Variants in EFR3B observed in about 807,000 individuals in gnomAD.
EFR3B encodes the protein protein EFR3 homolog B.
A neutral mutation model predicts 104.7 loss-of-function variants in EFR3B; 64 were observed. The ratio of observed to expected loss-of-function variants is 0.61; its 90% confidence interval spans 0.50 to 0.75. EFR3B has a LOEUF of 0.75. Among genes scored for constraint, EFR3B ranks in the 30% least tolerant of loss-of-function variants. EFR3B has a pLI of 0.00. For synonymous variants in EFR3B, 385 were observed against 417.9 expected (o/e 0.92, Z 0.96); for missense variants, 750 against 1,078.5 (o/e 0.70, Z 4.27).
intron 19 of EFR3B, among the ~76,000 whole-genome samples, chr2:25,148,743 AAACCCCGTCTC>A (rs1375759892): frequency 2.3e-4 from 34 of 149,974 alleles, no homozygotes; most frequent in Admixed American, 9.2e-4. Flanking sequence ...TAAAACGGTG[AAACCCCGTCTC>A]TACTAAAAAT....
chr2:25,155,289 G>A lies in EFR3B; in HGVS notation c.*949G>A, dbSNP rs1321119528. The A allele has an allele frequency of 6.6e-6, 1 of 152,220 alleles. No homozygotes were observed. The highest frequency in any genetic ancestry group is 6.5e-5 in the Admixed American group (1 of 15,274). 9.4% of individuals were successfully genotyped at this position (152,220 alleles called of 1,614,324 possible). ...CCTGGGTTGTAGGAGAGTGGGGAGG[G>A]TGGGATGAGTGGTGTTTTGGGGCTC... On this transcript the variant is annotated 3_prime_UTR_variant, in exon 23 of 23. Transcript: ENST00000403714.
chr2:25,144,944 G>A lies in EFR3B; in HGVS notation c.2051-16G>A. The A allele has an allele frequency of 1.3e-6, 2 of 1,550,832 alleles. No individual in the cohort carries two copies. The highest frequency in any genetic ancestry group is 1.4e-5 in the African/African-American group (1 of 73,166). On this transcript the variant is annotated splice_polypyrimidine_tract_variant and intron_variant, in intron 18 of 22. Transcript: ENST00000403714. ...GAGGGCTGGGAACTAAAGCCTCTGGGCTGCTTCTTCCCCAGATGAGGATCG... is the reference window on the plus strand; with the variant it reads ...GAGGGCTGGGAACTAAAGCCTCTGGACTGCTTCTTCCCCAGATGAGGATCG...
At chr2:25,094,338 C>CA (rs1669222100) in intron 3 of EFR3B, among the ~76,000 whole-genome samples, 1 of 130,754 alleles carries the variant, frequency 7.6e-6, no homozygotes. Context: ...AGACGAACAA[C>CA]AAAAAAGTAT....
In EFR3B at chr2:25,131,484, C is replaced by T. The variant is rs1430203595; in HGVS notation, c.966C>T (p.Ile322=). 6.5e-7 allele frequency: 1 copy of T among 1,549,822 alleles called. No homozygotes were observed. ...IVEVLSEAAV[I]AATGSVGPTV... Reference sequence around the variant, plus strand: ...AAGTCTTGTCGGAAGCCGCGGTCATCGCTGCCACCGGCTCTGTGGGTAAGG... The same window carrying T: ...AAGTCTTGTCGGAAGCCGCGGTCATTGCTGCCACCGGCTCTGTGGGTAAGG... The change falls in exon 9 of 23, where the codon ATC becomes ATT. Residue 322 remains isoleucine (I), a synonymous_variant. Coordinates refer to ENST00000403714, the MANE Select transcript of EFR3B (RefSeq NM_014971.2). This position sits in a 1 kb window ranked among gnomAD's most constrained non-coding sequence, Gnocchi z 7.6.
In EFR3B at chr2:25,143,813, T is replaced by G. The variant is rs1227784515; in HGVS notation, c.2001T>G (p.Ser667Arg). 6.4e-7 allele frequency: 1 copy of G among 1,551,690 alleles called. No homozygotes were observed. The highest frequency in any genetic ancestry group is 8.7e-7 in the Non-Finnish European group (1 of 1,146,996). Residue 667 changes from serine to arginine, a missense_variant, in exon 18 of 23, where the codon AGT becomes AGG. Ser to Arg is a moderately radical substitution (Grantham distance 110, BLOSUM62 -1). Coordinates refer to ENST00000403714, the MANE Select transcript of EFR3B (RefSeq NM_014971.2). ...AGATCAGTGAAGTCCTGGGAGGCAGTGGCTACAACTCGGACCGGCTCTGCC... is the reference window on the plus strand; with the variant it reads ...AGATCAGTGAAGTCCTGGGAGGCAGGGGCTACAACTCGGACCGGCTCTGCC... The part of the protein sequence containing the change: ...QSKISEVLGG[S>R]GYNSDRLCLP...
chr2:25,140,563 A>G (rs1471556394), intron 16 of EFR3B, among the ~76,000 whole-genome samples: 1 of 152,022 alleles, frequency 6.6e-6, no homozygotes, highest in Non-Finnish European at 1.5e-5. Context: ...CTGTATGTTG[A>G]CCATCCCTCC....
Position 25,131,625 on chromosome 2 carries a change from G to T in EFR3B, c.985+122G>T, listed in dbSNP as rs1211933784. On this transcript the variant is annotated intron_variant, in intron 9 of 22. Transcript: ENST00000403714. This position sits in a 1 kb window ranked among gnomAD's most constrained non-coding sequence, Gnocchi z 7.6. ...CGTTTTCCTCGGGAGAAGTCCGCCA[G>T]GAAGTTGGGAGCGCAGAGGAAGCCC... The T allele has an allele frequency of 1.3e-6, 2 of 1,496,116 alleles. No individual in the cohort carries two copies. The highest frequency in any genetic ancestry group is 5.0e-5 in the East Asian group (2 of 40,280). The allele number at this position is 1,496,116 out of a possible 1,614,324, so 92.7% of individuals were successfully genotyped here.
At chr2:25,091,511 C>G in intron 2 of EFR3B, 110 bp downstream of exon 2, 1 of 992,092 alleles carries the variant, frequency 1.0e-6, no homozygotes, top group Non-Finnish European at 1.4e-6. Flanking sequence ...CAGGGCCTCT[C>G]AGGGTCCCTG....
chr2:25,111,303 C>T (rs967509052), intron 4 of EFR3B, among the ~76,000 whole-genome samples: 1 of 152,116 alleles, frequency 6.6e-6, no homozygotes, highest in Non-Finnish European at 1.5e-5. Context: ...TAACCCACTC[C>T]CCACCCACCT....
At chr2:25,050,217 A>C (rs2149163598) in intron 1 of EFR3B, among the ~76,000 whole-genome samples, 1 of 152,116 alleles carries the variant, frequency 6.6e-6, no homozygotes, top group South Asian at 2.1e-4. Context: ...TGATGGTTTG[A>C]AACTGTCAAA....
Position 25,130,689 on chromosome 2 carries a change from A to C in EFR3B, c.849+59A>C. The C allele has an allele frequency of 6.8e-7, 1 of 1,460,250 alleles. No individual in the cohort carries two copies. Among genetic ancestry groups the C allele is most frequent in the Non-Finnish European group, 9.4e-7 (1 of 1,064,284 alleles). The allele number at this position is 1,460,250 out of a possible 1,614,324, so 90.5% of individuals were successfully genotyped here. The stretch of plus-strand genomic sequence containing the variant: ...GGACAAAGGCCTCTCTAGAAGCTAG[A>C]CGGGTGCTAAAATAGAAAGCCAGAA... On this transcript the variant is annotated intron_variant, in intron 8 of 22. Coordinates refer to ENST00000403714, the MANE Select transcript of EFR3B (RefSeq NM_014971.2). This position sits in a 1 kb window ranked among gnomAD's most constrained non-coding sequence, Gnocchi z 4.6.
chr2:25,144,360 C>T (rs1173129999), intron 18 of EFR3B, among the ~76,000 whole-genome samples: 4 of 152,178 alleles, frequency 2.6e-5, no homozygotes, highest in African/African-American at 4.8e-5. Context: ...CTAGGCAACA[C>T]GGTGAAACCC....
chr2:25,100,944 A>G (rs1669416466), intron 3 of EFR3B, among the ~76,000 whole-genome samples: 1 of 152,218 alleles, frequency 6.6e-6, no homozygotes, highest in African/African-American at 2.4e-5. Flanking sequence ...AGGATAGGAA[A>G]CATTTCTAGC....
chr2:25,131,799 C>T lies in EFR3B; in HGVS notation c.1035C>T (p.Leu345=). ...MFNTLLRQLR[L]SIDYALTGSY... The stretch of plus-strand genomic sequence containing the variant: ...ACACGCTGCTGAGGCAGCTGCGGCT[C>T]AGCATCGACTACGCGCTGACCGGGA... Residue 345 remains leucine (L), a synonymous_variant, in exon 10 of 23, where the codon CTC becomes CTT. Coordinates refer to ENST00000403714, the MANE Select transcript of EFR3B (RefSeq NM_014971.2). This position sits in a 1 kb window ranked among gnomAD's most constrained non-coding sequence, Gnocchi z 7.6. 1 of 1,548,068 alleles carries T rather than the reference C, an allele frequency of 6.5e-7. No homozygotes were observed. Among genetic ancestry groups the T allele is most frequent in the Non-Finnish European group, 8.7e-7 (1 of 1,145,650 alleles).
chr2:25,141,002 T>C (rs953050119), intron 16 of EFR3B, among the ~76,000 whole-genome samples: 4 of 148,290 alleles, frequency 2.7e-5, no homozygotes, highest in Admixed American at 1.4e-4. Flanking sequence ...GATTGTGCCA[T>C]TGCACTCTAG....
intron 1 of EFR3B, among the ~76,000 whole-genome samples, chr2:25,057,644 C>T (rs1279518937): frequency 6.6e-6 from 1 of 151,984 alleles, no homozygotes; most frequent in Non-Finnish European, 1.5e-5. Context: ...TAGCTGGGCA[C>T]GGTGGCACAT....
chr2:25,082,971 A>AG (rs759028637), intron 1 of EFR3B, among the ~76,000 whole-genome samples: 1 of 152,190 alleles, frequency 6.6e-6, no homozygotes, highest in Non-Finnish European at 1.5e-5. Flanking sequence ...CATTCTGGAC[A>AG]GGGGGTTTGG....
At position 25,042,317 on chromosome 2, in the gene EFR3B, A is replaced by G; in HGVS notation, c.5A>G (p.Tyr2Cys). 1 of 1,281,092 alleles carries G rather than the reference A, an allele frequency of 7.8e-7. No individual in the cohort carries two copies. The highest frequency in any genetic ancestry group is 2.4e-5 in the South Asian group (1 of 41,902). The allele number at this position is 1,281,092 out of a possible 1,614,324, so 79.4% of individuals were successfully genotyped here. A position where few individuals can be genotyped will look rare whatever the true frequency, so the allele number is the denominator to read the frequency against. Reference protein sequence around the residue: MYGVCGCCGALR... With the variant: MCGVCGCCGALR... ...AGAGGCGCGCGCCCCGCCGAGATGT[A>G]CGGTAAGGAGGGCTCCGCGCCCGGG... The change falls in exon 1 of 23, where the codon TAC (tyrosine) becomes TGC (cysteine). Residue 2 changes from tyrosine (Y) to cysteine (C), a missense_variant and splice_region_variant. Transcript: ENST00000403714. The surrounding 1 kb of genome is among the most constrained non-coding windows in gnomAD (Gnocchi z 5.4).
chr2:25,141,215 G>C lies in EFR3B; in HGVS notation c.1855-151G>C, dbSNP rs559113797. The C allele has an allele frequency of 6.7e-5, 49 of 736,370 alleles. No individual in the cohort carries two copies. In the African/African-American group the frequency reaches 8.3e-4, roughly 12 times the overall value. 45.6% of individuals were successfully genotyped at this position (736,370 alleles called of 1,614,324 possible). On this transcript the variant is annotated intron_variant, in intron 16 of 22. Transcript: ENST00000403714. ...CTGCCCTGAGGGTCCCTGTTGATGCGAGTTTCCACTGAAAAGCTCAGCTGA... is the reference window on the plus strand; with the variant it reads ...CTGCCCTGAGGGTCCCTGTTGATGCCAGTTTCCACTGAAAAGCTCAGCTGA...
Sources: allele counts gnomAD v4.1 joint callset (sites outside exome capture counted in the v4.1 genomes callset), GRCh38; gene constraint gnomAD v4.1.1; non-coding constraint Gnocchi (gnomAD v3.1); transcripts MANE v1.5; gene names NCBI Gene and HGNC (gene_info 2026-07-23, HGNC 2026-07-21).